CFAP54: variants seen among roughly 807,000 people sequenced by gnomAD.
The protein encoded by CFAP54 is cilia- and flagella-associated protein 54.
In CFAP54, 290 loss-of-function variants were observed where a neutral mutation model predicts 370.4. The observed-to-expected ratio is 0.78, with a 90% CI of 0.71 to 0.86. The LOEUF (loss-of-function observed/expected upper bound fraction) is 0.86, where lower values mean the gene tolerates loss of function less well. CFAP54 is among the 40% of genes least tolerant of loss of function. The probability of loss-of-function intolerance (pLI) is 0.00; values close to 1 mark genes in which losing one functional copy is unlikely to be tolerated. For missense variants in CFAP54, 3,399 were observed against 3,528.7 expected (o/e 0.96, Z 0.93); for synonymous variants, 1,206 against 1,236.5 (o/e 0.98, Z 0.52).
At chr12:96,641,383 A>G (rs1956725931) in intron 32 of CFAP54, among the ~76,000 whole-genome samples, 1 of 152,236 alleles carries the variant, frequency 6.6e-6, no homozygotes, top group South Asian at 2.1e-4. Context: ...ATGAGATACC[A>G]TCTCACACCA....
intron 22 of CFAP54, among the ~76,000 whole-genome samples, chr12:96,587,679 G>A (rs1234013586): frequency 6.6e-6 from 1 of 151,886 alleles, no homozygotes; most frequent in Non-Finnish European, 1.5e-5. Flanking sequence ...ATTTTAAAAG[G>A]GATACATTTT....
chr12:96,798,994 G>A (rs527849089), intron 63 of CFAP54, among the ~76,000 whole-genome samples: 5 of 152,158 alleles, frequency 3.3e-5, no homozygotes, highest in Non-Finnish European at 5.9e-5. Context: ...TATTTGTATC[G>A]TAGATATAAT....
intron 55 of CFAP54, among the ~76,000 whole-genome samples, chr12:96,749,725 A>C (rs1592740903): frequency 6.6e-6 from 1 of 152,118 alleles, no homozygotes; most frequent in South Asian, 2.1e-4. Flanking sequence ...ATCTCTATAC[A>C]TGCTCTTACT....
At chr12:96,693,176 G>A (rs2136567048) in intron 44 of CFAP54, among the ~76,000 whole-genome samples, 1 of 152,304 alleles carries the variant, frequency 6.6e-6, no homozygotes, top group African/African-American at 2.4e-5. Flanking sequence ...GGACTTGTTA[G>A]ATTTTGTTCT....
chr12:96,696,515 G>A (rs1052910932), intron 45 of CFAP54, among the ~76,000 whole-genome samples: 7 of 152,100 alleles, frequency 4.6e-5, no homozygotes, highest in African/African-American at 9.7e-5. Flanking sequence ...TTAGCACTTG[G>A]TAGCTGTTTT....
rs1359919345 is a variant in CFAP54, at chr12:96,818,632, C to A, written c.9096+719C>A. The stretch of plus-strand genomic sequence containing the variant: ...CCTAGTCATGCAGTCATCTGGCACA[C>A]CTGTGTAACCACAGGGTTTCCCCAT... On this transcript the variant is annotated intron_variant, in intron 65 of 67. Transcript: ENST00000524981. Among the ~76,000 whole-genome samples, 7 of 152,352 alleles carry A rather than the reference C, an allele frequency of 4.6e-5. No homozygotes were observed. The East Asian group carries it at 1.4e-3, about 29-fold the overall frequency.
chr12:96,534,216 T>C lies in CFAP54; in HGVS notation c.1694T>C (p.Ile565Thr). 1 of 1,432,936 alleles carries C rather than the reference T, an allele frequency of 7.0e-7. No individual in the cohort carries two copies. Among genetic ancestry groups the C allele is most frequent in the South Asian group, 1.3e-5 (1 of 76,718 alleles). The allele number at this position is 1,432,936 out of a possible 1,614,324, so 88.8% of individuals were successfully genotyped here. ...TCAACTCAAATTTATTTAAAAAAAA[T>C]TGCTGTTCATGGTAAGTATTTATTT... ...GQSTQIYLKK[I>T]AVHDTCLKTC... The change falls in exon 11 of 68, where the codon ATT (isoleucine) becomes ACT (threonine). Residue 565 changes from isoleucine (I) to threonine (T), a missense_variant. Transcript: ENST00000524981.
chr12:96,834,331 G>T (rs534435292), intron 66 of CFAP54, among the ~76,000 whole-genome samples: 147 of 152,332 alleles, frequency 9.6e-4, no homozygotes, highest in African/African-American at 3.5e-3. Flanking sequence ...TGGTGCCTTT[G>T]CCCAAGTTTT....
intron 15 of CFAP54, among the ~76,000 whole-genome samples, chr12:96,551,887 C>T (rs756306412): frequency 1.3e-5 from 2 of 152,016 alleles, no homozygotes; most frequent in Non-Finnish European, 2.9e-5. Flanking sequence ...TTCAGCATGT[C>T]CTGGAAGTCT....
intron 66 of CFAP54, among the ~76,000 whole-genome samples, chr12:96,839,516 C>T (rs541324165): frequency 3.8e-4 from 58 of 152,320 alleles, no homozygotes; most frequent in African/African-American, 1.1e-3. Context: ...CTGCATACAT[C>T]GCTTTCAACC....
chr12:96,874,986 T>G (rs1178753207), intron 67 of CFAP54, 132 bp from the exon 68 acceptor site: 3 of 152,192 alleles, frequency 2.0e-5, no homozygotes, highest in Non-Finnish European at 4.4e-5. Context: ...CATTATGGTT[T>G]GGTCAGGTCT....
chr12:96,656,843 C>T (rs1956928523), intron 36 of CFAP54, among the ~76,000 whole-genome samples: 1 of 152,224 alleles, frequency 6.6e-6, no homozygotes, highest in Admixed American at 6.5e-5. Context: ...TGATTGAGCT[C>T]ATAACATAAA....
Position 96,584,740 on chromosome 12 carries a change from G to C in CFAP54, c.3075+3635G>C, listed in dbSNP as rs1234526117. Among the ~76,000 whole-genome samples the C allele has an allele frequency of 3.9e-5, 6 of 152,114 alleles. No homozygotes were observed. The South Asian group carries it at 6.2e-4, about 16-fold the overall frequency. On this transcript the variant is annotated intron_variant, in intron 22 of 67. Transcript: ENST00000524981. ...ACCCTGATTGCAAGTCATGGAACCA[G>C]CTCAGCTTGGGGTAATGCAGCTAGG... is the stretch of plus-strand genomic sequence containing the variant.
chr12:96,594,516 G>T (rs1214875295), intron 25 of CFAP54, 70 bp downstream of exon 25: 18 of 1,220,886 alleles, frequency 1.5e-5, no homozygotes, highest in Non-Finnish European at 1.9e-5. Flanking sequence ...TTTTAGAAAA[G>T]AAAAGCCATG....
At chr12:96,574,937 A>T (rs1291302564) in intron 19 of CFAP54, among the ~76,000 whole-genome samples, 1 of 152,148 alleles carries the variant, frequency 6.6e-6, no homozygotes, top group Admixed American at 6.5e-5. Flanking sequence ...TTAAAATGGC[A>T]TAGGAATGAT....
At chr12:96,533,700 GT>G in intron 9 of CFAP54, 91 bp from the exon 10 acceptor site, 1 of 968,792 alleles carries the variant, frequency 1.0e-6, no homozygotes, top group Non-Finnish European at 1.4e-6. Context: ...CAGGGATTGT[GT>G]TTTCCTGGTG....
At position 96,572,391 on chromosome 12, in the gene CFAP54, G is replaced by A. The variant is rs757505939; in HGVS notation, c.2620-4194G>A. On this transcript the variant is annotated intron_variant, in intron 19 of 67. Transcript: ENST00000524981. ...AGATGCTCCAGAAAGAATGAAATGC[G>A]TGGGCAATTCTGAGGCGTGAAATAA... is the stretch of plus-strand genomic sequence containing the variant. 3.3e-5 allele frequency among the ~76,000 whole-genome samples: 5 copies of A among 152,106 alleles called. No individual in the cohort carries two copies. The South Asian group carries it at 6.2e-4, about 19-fold the overall frequency.
intron 1 of CFAP54, among the ~76,000 whole-genome samples, chr12:96,492,967 C>A (rs1251855617): frequency 2.6e-5 from 4 of 151,326 alleles, no homozygotes; most frequent in Non-Finnish European, 5.9e-5. Flanking sequence ...TGCACTCCAC[C>A]CTGGATGACA....
At chr12:96,852,672 A>G (rs957397539) in intron 66 of CFAP54, among the ~76,000 whole-genome samples, 2 of 152,130 alleles carry the variant, frequency 1.3e-5, no homozygotes, top group East Asian at 1.9e-4. Flanking sequence ...GATGGATTGG[A>G]CTATATTTTA....
Sources: gnomAD v4.1 joint callset for allele counts (sites outside exome capture counted in the v4.1 genomes callset) on GRCh38, gnomAD v4.1.1 for gene constraint, MANE v1.5 for transcripts, NCBI Gene and HGNC (gene_info 2026-07-23, HGNC 2026-07-21) for gene names.